Variants in C6 observed in about 807,000 individuals in gnomAD.
C6 encodes the protein complement C6, also known as complement component C6.
Under a neutral mutation model 112.9 loss-of-function variants are expected in C6, and 101 were observed. That is an observed-to-expected ratio of 0.89 (90% CI 0.76 to 1.06). The LOEUF is 1.06. C6 is among the 50% of genes least tolerant of loss of function. The pLI is 0.00. For synonymous variants in C6, 431 were observed against 384.1 expected, an observed-to-expected ratio of 1.12 and a Z score of -1.43; for missense variants, 1,202 against 1,104.6, an observed-to-expected ratio of 1.09 and a Z score of -1.25.
At chr5:41,218,431 A>G (rs963160658), upstream of C6, among the ~76,000 whole-genome samples, 1 of 152,196 alleles carries the variant, frequency 6.6e-6, no homozygotes, top group African/African-American at 2.4e-5. Flanking sequence ...TACAATCTCC[A>G]TAAAGACAGG....
chr5:41,186,887 T>C lies in C6; in HGVS notation c.588-679A>G, dbSNP rs534199070. 2.2e-4 allele frequency among the ~76,000 whole-genome samples: 34 copies of C among 152,168 alleles called. 1 individual carries two copies. Among genetic ancestry groups the C allele is most frequent in the African/African-American group, 7.9e-4 (33 of 41,518 alleles). ...TAGAGATTAATTAGCTTAGCATAAA[T>C]CAACTATTTAAGAGGTTATTTTGTT... On this transcript the variant is annotated intron_variant, in intron 5 of 17. Transcript: ENST00000337836.
At chr5:41,205,681 C>T (rs115825811) in intron 1 of C6, among the ~76,000 whole-genome samples, 16 of 152,312 alleles carry the variant, frequency 1.1e-4, no homozygotes, top group Admixed American at 2.6e-4. Flanking sequence ...GAGGGGTGCC[C>T]GCCTTTGCTG....
intron 1 of C6, among the ~76,000 whole-genome samples, chr5:41,208,341 G>A (rs1221784179): frequency 5.3e-5 from 8 of 152,114 alleles, no homozygotes; most frequent in Admixed American, 5.2e-4. Flanking sequence ...ACATTCAAAA[G>A]CTAGCAGAAG....
chr5:41,205,582 C>A lies in C6; in HGVS notation c.-20-2332G>T, dbSNP rs553241968. On this transcript the variant is annotated intron_variant, in intron 1 of 17. Transcript: ENST00000337836. Reference sequence around the variant, plus strand: ...CACACCAGGAGATTATATCCCGCACCTGGCTCGGAGAGTCCCACACCCGCA... The same window carrying A: ...CACACCAGGAGATTATATCCCGCACATGGCTCGGAGAGTCCCACACCCGCA... 3.6e-3 allele frequency among the ~76,000 whole-genome samples: 542 copies of A among 152,340 alleles called. 1 individual carries two copies. Among genetic ancestry groups the A allele is most frequent in the African/African-American group, 0.012 (517 of 41,578 alleles).
chr5:41,149,435 T>TA lies in C6; in HGVS notation c.2428dup (p.Tyr810LeufsTer8). 2 of 1,614,018 alleles carry TA rather than the reference T, an allele frequency of 1.2e-6. No homozygotes were observed. The highest frequency in any genetic ancestry group is 1.7e-6 in the Non-Finnish European group (2 of 1,179,950). The stretch of plus-strand genomic sequence containing the variant: ...AAACTTACAAGCGGGTGAAGTAAAG[T>TA]AATCGTTGGAGTCTGTGTCAAACAC... On this transcript the variant is annotated frameshift_variant, in exon 17 of 18. Transcript: ENST00000337836. LOFTEE classifies it high-confidence loss of function.
intron 9 of C6, among the ~76,000 whole-genome samples, chr5:41,168,373 T>G (rs188986132): frequency 6.6e-6 from 1 of 152,214 alleles, no homozygotes; most frequent in African/African-American, 2.4e-5. Context: ...GCTCGAGGCA[T>G]TTTGCTTGTT....
At chr5:41,206,019 C>T (rs978012288) in intron 1 of C6, among the ~76,000 whole-genome samples, 9 of 152,198 alleles carry the variant, frequency 5.9e-5, no homozygotes, top group Admixed American at 2.6e-4. Context: ...TGAGACGAAG[C>T]TTCCAGAGGA....
intron 15 of C6, among the ~76,000 whole-genome samples, chr5:41,150,959 A>G (rs184232366): frequency 6.6e-6 from 1 of 151,876 alleles, no homozygotes; most frequent in African/African-American, 2.4e-5. Context: ...GAAGTGCTGA[A>G]AAACAAGAGG....
In C6 at chr5:41,251,451, G is replaced by T. The variant is rs534722949; in HGVS notation, c.-21+9743C>A. Among the ~76,000 whole-genome samples the T allele has an allele frequency of 2.0e-5, 3 of 152,266 alleles. No homozygotes were observed. The East Asian group carries it at 5.8e-4, about 29-fold the overall frequency. ...GCTATTGCTGTTATTAGTGTGGCAG[G>T]CATATTGTCCTTGAAAACTTGATCT... On this transcript the variant is annotated intron_variant, in intron 1 of 17. Transcript: ENST00000263413.
intron 15 of C6, among the ~76,000 whole-genome samples, chr5:41,152,012 A>C (rs1029191147): frequency 6.6e-6 from 1 of 152,100 alleles, no homozygotes; most frequent in Non-Finnish European, 1.5e-5. Context: ...ATGGTGGGAA[A>C]AAAAAAAGAA....
Position 41,201,575 on chromosome 5 carries a change from G to A in C6, c.283C>T (p.Pro95Ser). 1.9e-6 allele frequency: 3 copies of A among 1,613,554 alleles called. No individual in the cohort carries two copies. The highest frequency in any genetic ancestry group is 2.5e-6 in the Non-Finnish European group (3 of 1,179,854). The change falls in exon 3 of 18, where the codon CCT (proline) becomes TCT (serine). Residue 95 changes from proline (P) to serine (S), a missense_variant. Physicochemically the swap from Pro to Ser is moderately conservative, Grantham distance 74. Transcript: ENST00000337836. ...GDFGPWSDCD[P>S]CIEKQSKVRS... ...TTGCCTACCTGTTTTTCAATACAAGGGTCACAGTCTGACCATGGTCCAAAA... is the reference window on the plus strand; with the variant it reads ...TTGCCTACCTGTTTTTCAATACAAGAGTCACAGTCTGACCATGGTCCAAAA...
In C6 at chr5:41,142,828, G is replaced by C; in HGVS notation, c.2802C>G (p.Ala934=). Residue 934 remains alanine (A), a synonymous_variant, in exon 18 of 18, where the codon GCC becomes GCG. Transcript: ENST00000337836. The part of the protein sequence containing the change: ...MEILHPGKCL[A] The stretch of plus-strand genomic sequence containing the variant: ...GCTGGGCCTAGCAGTAATTGTGCTA[G>C]GCCAAACACTTTCCAGGATGCAGTA... 1 of 1,611,944 alleles carries C rather than the reference G, an allele frequency of 6.2e-7. No homozygotes were observed.
intron 1 of C6, among the ~76,000 whole-genome samples, chr5:41,209,336 C>T (rs372576663): frequency 6.6e-6 from 1 of 152,172 alleles, no homozygotes; most frequent in Admixed American, 6.5e-5. Context: ...TCTTTCACCA[C>T]CCCTATTCAA....
intron 12 of C6, 126 bp from the exon 13 acceptor site, chr5:41,158,911 A>C: frequency 2.9e-6 from 3 of 1,033,606 alleles, no homozygotes; most frequent in Admixed American, 1.9e-5. Context: ...AAAACATTAC[A>C]CACAGAAAAA....
At chr5:41,240,307 C>G (rs1042049134) in intron 1 of C6, among the ~76,000 whole-genome samples, 1 of 152,000 alleles carries the variant, frequency 6.6e-6, no homozygotes, top group South Asian at 2.1e-4. Context: ...TTCTTGGACC[C>G]CTGAGCAGTG....
At chr5:41,226,799 A>C (rs1195523760) in intron 1 of C6, among the ~76,000 whole-genome samples, 2 of 152,174 alleles carry the variant, frequency 1.3e-5, no homozygotes. Flanking sequence ...CTCATGTTTT[A>C]AGGCTAAATA....
At chr5:41,226,914 A>T (rs1265256016) in intron 1 of C6, among the ~76,000 whole-genome samples, 1 of 152,142 alleles carries the variant, frequency 6.6e-6, no homozygotes, top group African/African-American at 2.4e-5. Context: ...GCCACAGTGA[A>T]CATAAGAGTA....
chr5:41,225,805 A>G (rs1739452891), intron 1 of C6, among the ~76,000 whole-genome samples: 1 of 152,210 alleles, frequency 6.6e-6, no homozygotes, highest in African/African-American at 2.4e-5. Flanking sequence ...CCACATATCT[A>G]CAACTATCTG....
At chr5:41,172,059 C>T (rs939636695) in intron 9 of C6, among the ~76,000 whole-genome samples, 166 bp downstream of exon 9, 11 of 152,054 alleles carry the variant, frequency 7.2e-5, no homozygotes, top group African/African-American at 2.4e-4. Context: ...TTAGGTAATG[C>T]TAATGCTATT....
Sources: allele counts gnomAD v4.1 joint callset (sites outside exome capture counted in the v4.1 genomes callset), GRCh38; gene constraint gnomAD v4.1.1; transcripts MANE v1.5; gene names NCBI Gene and HGNC (gene_info 2026-07-23, HGNC 2026-07-21).